The following BMF variants were observed in gnomAD, a reference collection of about 807,000 sequenced individuals.
BMF encodes the protein bcl-2-modifying factor.
A neutral mutation model predicts 22.0 loss-of-function variants in BMF; 10 were observed. The ratio of observed to expected loss-of-function variants is 0.45; its 90% confidence interval spans 0.28 to 0.77. BMF has a LOEUF of 0.77. Among genes scored for constraint, BMF ranks in the 30% least tolerant of loss-of-function variants. BMF has a pLI of 0.13. For synonymous variants in BMF, 87 were observed against 88.1 expected, an observed-to-expected ratio of 0.99 and a Z score of 0.07; for missense variants, 206 against 226.8, an observed-to-expected ratio of 0.91 and a Z score of 0.59.
At chr15:40,094,197 T>C (rs946953440) in intron 4 of BMF, among the ~76,000 whole-genome samples, 16 of 152,164 alleles carry the variant, frequency 1.1e-4, no homozygotes, top group African/African-American at 3.9e-4. Context: ...TTCTCCCAAA[T>C]TCCACTAATG....
chr15:40,105,726 T>C (rs1215032992), intron 3 of BMF, 69 bp downstream of exon 3: 19 of 1,502,626 alleles, frequency 1.3e-5, no homozygotes, highest in Non-Finnish European at 1.6e-5. Flanking sequence ...AAGGGCAGGT[T>C]TGGGGAGGGA....
intron 4 of BMF, among the ~76,000 whole-genome samples, chr15:40,099,080 G>A (rs1724037150): frequency 6.6e-6 from 1 of 152,228 alleles, no homozygotes; most frequent in Non-Finnish European, 1.5e-5. Flanking sequence ...TCCTGGGACA[G>A]AGGCTGGCTT....
chr15:40,103,859 C>T (rs1350001053), intron 4 of BMF, among the ~76,000 whole-genome samples: 1 of 152,196 alleles, frequency 6.6e-6, no homozygotes, highest in Non-Finnish European at 1.5e-5. Flanking sequence ...GGCAACCCCT[C>T]AGCCACGGCC....
chr15:40,108,570 G>T (rs1308776586), intron 1 of BMF, 184 bp from the exon 2 acceptor site: 1 of 152,644 alleles, frequency 6.6e-6, no homozygotes, highest in Admixed American at 6.5e-5. Context: ...CTACCCCCAA[G>T]TTCCCTCTTG....
rs753174688 is a variant in BMF, at chr15:40,104,144, A to G, written c.453+36T>C. 1.1e-4 allele frequency: 182 copies of G among 1,610,628 alleles called. 1 individual carries two copies. Among genetic ancestry groups the G allele is most frequent in the Non-Finnish European group, 1.5e-4 (176 of 1,177,414 alleles). ...CAGGCCCTGGCCCCCAAGCCCCAGC[A>G]GACTCAACCCTCCTCCCCTAAACCC... On this transcript the variant is annotated intron_variant, in intron 4 of 4. Coordinates refer to ENST00000354670, the MANE Select transcript of BMF (RefSeq NM_001003940.2).
At position 40,091,696 on chromosome 15, in the gene BMF, A is replaced by T. The variant is rs368005163; in HGVS notation, c.*91T>A. 3 of 954,298 alleles carry T rather than the reference A, an allele frequency of 3.1e-6. No individual in the cohort carries two copies. Among genetic ancestry groups the T allele is most frequent in the Admixed American group, 2.8e-5 (1 of 36,066 alleles). 59.1% of individuals were successfully genotyped at this position (954,298 alleles called of 1,614,324 possible). On this transcript the variant is annotated 3_prime_UTR_variant, in exon 5 of 5. Transcript: ENST00000354670. ...AAACACAAAATAACAACAAAAAAAC[A>T]ATTTCACAAGACACAGTGTCAGTCC...
chr15:40,103,181 A>C (rs1415910496), intron 4 of BMF, among the ~76,000 whole-genome samples: 2 of 152,146 alleles, frequency 1.3e-5, no homozygotes, highest in Non-Finnish European at 2.9e-5. Flanking sequence ...TGGTCAAGCT[A>C]TTTATTCCCT....
At chr15:40,092,931 C>T (rs913754486) in intron 4 of BMF, among the ~76,000 whole-genome samples, 4 of 152,214 alleles carry the variant, frequency 2.6e-5, no homozygotes, top group Non-Finnish European at 5.9e-5. Context: ...GGAGCCAGCA[C>T]GGGCTGGACT....
At chr15:40,092,839 T>C (rs374297576) in intron 4 of BMF, among the ~76,000 whole-genome samples, 1 of 151,776 alleles carries the variant, frequency 6.6e-6, no homozygotes, top group Non-Finnish European at 1.5e-5. Flanking sequence ...TCTCTCTTTG[T>C]CTGCCAGGGC....
intron 4 of BMF, among the ~76,000 whole-genome samples, chr15:40,093,548 C>T (rs1402580077): frequency 6.6e-6 from 1 of 152,182 alleles, no homozygotes; most frequent in African/African-American, 2.4e-5. Flanking sequence ...CCGAAGCCTC[C>T]GGCCTGCAGC....
At chr15:40,097,269 A>G (rs1280473830) in intron 4 of BMF, among the ~76,000 whole-genome samples, 1 of 152,040 alleles carries the variant, frequency 6.6e-6, no homozygotes, top group Admixed American at 6.5e-5. Context: ...GCTACCAAGC[A>G]CCCAACTGAG....
In BMF at chr15:40,088,537, A is replaced by C. The variant is rs2036174415; in HGVS notation, c.*3250T>G. The C allele has an allele frequency of 6.6e-6, 1 of 152,352 alleles. No homozygotes were observed. The highest frequency in any genetic ancestry group is 1.9e-4 in the East Asian group (1 of 5,202). The allele number at this position is 152,352 out of a possible 1,614,324, so 9.4% of individuals were successfully genotyped here. On this transcript the variant is annotated 3_prime_UTR_variant, in exon 5 of 5. Transcript: ENST00000354670. ...TCAAGTCCCTCAAAAAGAAGTGCTC[A>C]CTGGGGTAGCATGCTCCTTGCTGTC...
At chr15:40,101,642 G>A (rs1180123764) in intron 4 of BMF, among the ~76,000 whole-genome samples, 1 of 152,196 alleles carries the variant, frequency 6.6e-6, no homozygotes, top group Non-Finnish European at 1.5e-5. Context: ...ATCAAGCTTA[G>A]AAAATGACTC....
chr15:40,104,001 A>C (rs917873699), intron 4 of BMF, among the ~76,000 whole-genome samples, 179 bp downstream of exon 4: 1 of 152,202 alleles, frequency 6.6e-6, no homozygotes, highest in Admixed American at 6.5e-5. Flanking sequence ...CTCAGAGATG[A>C]GGGCAAGATG....
At chr15:40,097,231 GCACCTAACTGAGCTACCAAA>G in intron 4 of BMF, among the ~76,000 whole-genome samples, 1 of 19,572 alleles carries the variant, frequency 5.1e-5, no homozygotes, top group South Asian at 1.6e-3. Context: ...GAGCTACCAA[GCACCTAACTGAGCTACCAAA>G]CACCTGAGCT....
At position 40,106,889 on chromosome 15, in the gene BMF, A is replaced by G. The variant is rs1326647528; in HGVS notation, c.-5-798T>C. Among the ~76,000 whole-genome samples the G allele has an allele frequency of 6.6e-6, 1 of 152,060 alleles. No homozygotes were observed. The highest frequency in any genetic ancestry group is 1.9e-4 in the East Asian group (1 of 5,192). On this transcript the variant is annotated intron_variant, in intron 2 of 4. Coordinates refer to ENST00000354670, the MANE Select transcript of BMF (RefSeq NM_001003940.2). The surrounding 1 kb of genome is among the most constrained non-coding windows in gnomAD (Gnocchi z 4.1). ...CAGCCTCTCCCAACTAAGTCTCCTC[A>G]CTAGTCTCCACGACTTCAAATCCCT...
At position 40,089,535 on chromosome 15, in the gene BMF, T is replaced by A. The variant is rs923246964; in HGVS notation, c.*2252A>T. On this transcript the variant is annotated 3_prime_UTR_variant, in exon 5 of 5. Transcript: ENST00000354670. ...CCCAGGCTTGATGTTGAGGTGGGTT[T>A]GTCAAAGTCTGGGCTCAGTTCTCAG... 2.0e-5 allele frequency: 3 copies of A among 152,186 alleles called. No homozygotes were observed. Among genetic ancestry groups the A allele is most frequent in the Non-Finnish European group, 4.4e-5 (3 of 68,052 alleles). 9.4% of individuals were successfully genotyped at this position (152,186 alleles called of 1,614,324 possible).
intron 4 of BMF, among the ~76,000 whole-genome samples, chr15:40,101,409 C>T (rs908849245): frequency 1.3e-5 from 2 of 152,124 alleles, no homozygotes; most frequent in Non-Finnish European, 1.5e-5. Context: ...CAAGTGACTT[C>T]CTGAAAACTA....
At chr15:40,107,445 C>T (rs2036610705) in intron 2 of BMF, among the ~76,000 whole-genome samples, 1 of 151,878 alleles carries the variant, frequency 6.6e-6, no homozygotes, top group Non-Finnish European at 1.5e-5. Context: ...TGTCTATGGT[C>T]CTGTCTGTGC....
Sources: allele counts gnomAD v4.1 joint callset (sites outside exome capture counted in the v4.1 genomes callset), GRCh38; gene constraint gnomAD v4.1.1; non-coding constraint Gnocchi (gnomAD v3.1); transcripts MANE v1.5; gene names NCBI Gene and HGNC (gene_info 2026-07-23, HGNC 2026-07-21).